Variants in MAD1L1 observed in about 807,000 individuals in gnomAD.
MAD1L1 encodes the protein mitotic spindle assembly checkpoint protein MAD1.
In MAD1L1, 95 loss-of-function variants were observed where a neutral mutation model predicts 96.9. The observed-to-expected ratio is 0.98, with a 90% CI of 0.83 to 1.16. The LOEUF is 1.16. Among genes scored for constraint, MAD1L1 ranks in the 50% most tolerant of loss-of-function variants. The pLI is 0.00. For missense variants in MAD1L1, 1,007 were observed against 954.4 expected, an observed-to-expected ratio of 1.06 and a Z score of -0.73; for synonymous variants, 473 against 396.6, an observed-to-expected ratio of 1.19 and a Z score of -2.29.
At chr7:1,938,069 G>C (rs866698184) in intron 16 of MAD1L1, among the ~76,000 whole-genome samples, 9 of 414 alleles carry the variant, frequency 0.022, no homozygotes, top group Admixed American at 0.05. Flanking sequence ...CGGCAGGGAG[G>C]TGCAGGGTCA....
At chr7:1,855,489 C>T (rs1473836736) in intron 18 of MAD1L1, among the ~76,000 whole-genome samples, 3 of 152,036 alleles carry the variant, frequency 2.0e-5, no homozygotes, top group South Asian at 4.1e-4. Flanking sequence ...AGAGCTGTGG[C>T]CAAATCTCCA....
At chr7:1,850,089 G>C (rs1222695699) in intron 18 of MAD1L1, among the ~76,000 whole-genome samples, 3 of 152,208 alleles carry the variant, frequency 2.0e-5, no homozygotes, top group Non-Finnish European at 4.4e-5. Context: ...AGCTCTGTGA[G>C]GCGTTTGTTC....
At chr7:1,868,979 C>T (rs570177880) in intron 18 of MAD1L1, among the ~76,000 whole-genome samples, 13 of 152,342 alleles carry the variant, frequency 8.5e-5, no homozygotes, top group East Asian at 1.9e-4. Context: ...CAAACCCTCG[C>T]GTGTGTAGGA....
chr7:2,053,687 A>G (rs1053497369), intron 12 of MAD1L1, among the ~76,000 whole-genome samples: 8 of 152,182 alleles, frequency 5.3e-5, no homozygotes, highest in African/African-American at 1.7e-4. Context: ...AACAGGGTAC[A>G]GGGCCAGGGA....
Position 1,982,200 on chromosome 7 carries a change from T to C in MAD1L1, c.1417-1659A>G, listed in dbSNP as rs1440047749. On this transcript the variant is annotated intron_variant, in intron 14 of 18. Transcript: ENST00000265854. The stretch of plus-strand genomic sequence containing the variant: ...TTTTTTTCACTATATATATAAAATA[T>C]AAAAATATATACATAAATATACATA... Among the ~76,000 whole-genome samples the C allele has an allele frequency of 3.3e-5, 5 of 151,442 alleles. No individual in the cohort carries two copies. The East Asian group carries it at 9.7e-4, about 29-fold the overall frequency.
At chr7:1,980,091 GAGA>G (rs1329651615) in intron 15 of MAD1L1, among the ~76,000 whole-genome samples, 5 of 152,350 alleles carry the variant, frequency 3.3e-5, no homozygotes, top group Admixed American at 6.5e-5. Flanking sequence ...GGAGCACACA[GAGA>G]AGGTCACGGC....
chr7:2,211,285 T>TG (rs1316638305), intron 10 of MAD1L1, among the ~76,000 whole-genome samples: 1 of 152,046 alleles, frequency 6.6e-6, no homozygotes, highest in Non-Finnish European at 1.5e-5. Flanking sequence ...CATGCCCTCA[T>TG]GCTGGCCACG....
At chr7:2,002,656 C>T (rs2128492953) in intron 13 of MAD1L1, among the ~76,000 whole-genome samples, 1 of 152,312 alleles carries the variant, frequency 6.6e-6, no homozygotes, top group South Asian at 2.1e-4. Context: ...CCGACACACT[C>T]CCCAAAGGGC....
rs1780243049 is a variant in MAD1L1 at position 1,968,012 on chromosome 7, A to G, written c.1506-10293T>C. On this transcript the variant is annotated intron_variant, in intron 15 of 18. Coordinates refer to ENST00000265854, the MANE Select transcript of MAD1L1 (RefSeq NM_001013836.2). This position sits in a 1 kb window ranked among gnomAD's most constrained non-coding sequence, Gnocchi z 5.6. ...ACTCCCTCCAGTCCACACTGCTGGT[A>G]ATAAATGAAGAAGTGAATAAATGGG... Among the ~76,000 whole-genome samples, 1 of 152,222 alleles carries G rather than the reference A, an allele frequency of 6.6e-6. No individual in the cohort carries two copies. The highest frequency in any genetic ancestry group is 1.5e-5 in the Non-Finnish European group (1 of 68,036).
At chr7:2,164,234 C>A (rs1367517030) in intron 10 of MAD1L1, among the ~76,000 whole-genome samples, 1 of 152,234 alleles carries the variant, frequency 6.6e-6, no homozygotes, top group Non-Finnish European at 1.5e-5. Context: ...GTGATTCTAA[C>A]ATCCTCAGGC....
At chr7:2,058,744 CTA>C (rs1284427371) in intron 12 of MAD1L1, among the ~76,000 whole-genome samples, 7 of 85,380 alleles carry the variant, frequency 8.2e-5, no homozygotes, top group South Asian at 4.7e-4. Flanking sequence ...GGGAGTGTGG[CTA>C]GAGGAGAGAA....
chr7:2,145,040 G>C (rs917300911), intron 11 of MAD1L1, among the ~76,000 whole-genome samples: 2 of 152,144 alleles, frequency 1.3e-5, no homozygotes, highest in Non-Finnish European at 2.9e-5. Context: ...ATGCACTCAA[G>C]CACCCCACCC....
chr7:1,968,442 G>A lies in MAD1L1; in HGVS notation c.1506-10723C>T, dbSNP rs1207543046. Among the ~76,000 whole-genome samples, 2 of 148,752 alleles carry A rather than the reference G, an allele frequency of 1.3e-5. No homozygotes were observed. The highest frequency in any genetic ancestry group is 2.5e-5 in the African/African-American group (1 of 39,866). ...TCCGGCGATCAGGTCCACCGTCAAC[G>A]CCAGCAGTCATGTCCACCATCAATG... is the stretch of plus-strand genomic sequence containing the variant. On this transcript the variant is annotated intron_variant, in intron 15 of 18. Coordinates refer to ENST00000265854, the MANE Select transcript of MAD1L1 (RefSeq NM_001013836.2). This position sits in a 1 kb window ranked among gnomAD's most constrained non-coding sequence, Gnocchi z 5.6.
chr7:2,222,501 T>C, intron 5 of MAD1L1, 74 bp downstream of exon 5: 1 of 1,371,278 alleles, frequency 7.3e-7, no homozygotes, highest in South Asian at 1.5e-5. Context: ...AAGCGGGCAC[T>C]GCAGTGGCAA....
At chr7:1,893,542 G>A (rs925860032) in intron 18 of MAD1L1, among the ~76,000 whole-genome samples, 2 of 152,140 alleles carry the variant, frequency 1.3e-5, no homozygotes, top group African/African-American at 2.4e-5. Context: ...TGGAGTGGGT[G>A]GGGCAGGGGG....
At chr7:1,892,659 T>C (rs1258353576) in intron 18 of MAD1L1, among the ~76,000 whole-genome samples, 3 of 151,674 alleles carry the variant, frequency 2.0e-5, no homozygotes, top group African/African-American at 7.2e-5. Flanking sequence ...CCTGTATACC[T>C]TTCCCCCTCA....
chr7:1,884,497 T>C (rs914580563), intron 18 of MAD1L1, among the ~76,000 whole-genome samples: 1 of 152,220 alleles, frequency 6.6e-6, no homozygotes, highest in Non-Finnish European at 1.5e-5. Flanking sequence ...CCCCACCACA[T>C]GGAGGCCCTG....
chr7:2,141,563 C>T (rs768866804), intron 11 of MAD1L1, among the ~76,000 whole-genome samples: 7 of 152,180 alleles, frequency 4.6e-5, no homozygotes, highest in African/African-American at 7.2e-5. Context: ...AAGAAGGCAC[C>T]GCATGAGGGA....
At position 1,929,702 on chromosome 7, in the gene MAD1L1, G is replaced by A. The variant is rs367715948; in HGVS notation, c.1807+6985C>T. ...AGGGAGCTCTTGACTCTGCAGCCCC[G>A]CTGCCACGTCCCCTCGCCCATCCCC... is the stretch of plus-strand genomic sequence containing the variant. On this transcript the variant is annotated intron_variant, in intron 17 of 18. Transcript: ENST00000265854. Among the ~76,000 whole-genome samples the A allele has an allele frequency of 4.7e-4, 61 of 131,088 alleles. 1 individual carries two copies. The highest frequency in any genetic ancestry group is 1.9e-3 in the East Asian group (8 of 4,126). The allele number at this position is 131,088 out of a possible 152,430, so 86.0% of individuals were successfully genotyped here. A position where few individuals can be genotyped will look rare whatever the true frequency, so the allele number is the denominator to read the frequency against.
Sources: gnomAD v4.1 joint callset for allele counts (sites outside exome capture counted in the v4.1 genomes callset) on GRCh38, gnomAD v4.1.1 for gene constraint, Gnocchi (gnomAD v3.1) non-coding constraint, MANE v1.5 for transcripts, NCBI Gene and HGNC (gene_info 2026-07-23, HGNC 2026-07-21) for gene names.